Variants in CIT observed in about 807,000 individuals in gnomAD.
CIT encodes citron Rho-interacting kinase.
In CIT, 79 loss-of-function variants were observed where a neutral mutation model predicts 272.7. The observed-to-expected ratio is 0.29, with a 90% CI of 0.24 to 0.35. The LOEUF is 0.35. Among genes scored for constraint, CIT ranks in the 10% least tolerant of loss-of-function variants. CIT has a pLI of 1.00. For missense variants in CIT, 1,909 were observed against 2,618.3 expected (o/e 0.73, Z 5.91); for synonymous variants, 948 against 995.6 (o/e 0.95, Z 0.90).
Position 119,850,691 on chromosome 12 carries a change from C to T in CIT, c.415-416G>A, listed in dbSNP as rs374279564. On this transcript the variant is annotated intron_variant, in intron 4 of 47. Coordinates refer to ENST00000392521, the MANE Select transcript of CIT (RefSeq NM_001206999.2). ...TAAATGTAAATATTTTTCTCTTCCT[C>T]TTCTCTTCCTGAAGCCATTCACTGG... 8.5e-5 allele frequency among the ~76,000 whole-genome samples: 13 copies of T among 152,290 alleles called. No individual in the cohort carries two copies. In the South Asian group the frequency reaches 2.7e-3, roughly 32 times the overall value.
intron 23 of CIT, among the ~76,000 whole-genome samples, chr12:119,745,371 A>T (rs553129273): frequency 1.7e-4 from 23 of 134,764 alleles, no homozygotes; most frequent in African/African-American, 5.9e-4. Flanking sequence ...CAGAAGAAAC[A>T]AGCAAAAAAA....
chr12:119,778,238 A>C (rs1170089733), intron 13 of CIT, among the ~76,000 whole-genome samples: 3 of 152,222 alleles, frequency 2.0e-5, no homozygotes, highest in Non-Finnish European at 4.4e-5. Flanking sequence ...CTAAAATCAA[A>C]ACATTTACAT....
chr12:119,711,006 C>T (rs769824634), intron 37 of CIT: 24 of 1,364,730 alleles, frequency 1.8e-5, no homozygotes, highest in Middle Eastern at 2.1e-4. Context: ...AGTGCAAAGG[C>T]GCCGTGTTAG....
rs758806621 is a variant in CIT, at chr12:119,825,176, T to A, written c.946A>T (p.Met316Leu). 9 of 1,612,866 alleles carry A rather than the reference T, an allele frequency of 5.6e-6. No homozygotes were observed. Among genetic ancestry groups the A allele is most frequent in the Non-Finnish European group, 7.6e-6 (9 of 1,179,552 alleles). ...GTSARTFNNI[M>L]NFQRFLKFPD... is the part of the protein sequence containing the mutation. ...TAAGGACTCTTTACCTGGAAATTCA[T>A]AATGTTATTGAAGGTTCTGGCAGAG... is the stretch of plus-strand genomic sequence containing the variant. Residue 316 changes from methionine (M) to leucine (L), a missense_variant, in exon 8 of 48, where the codon ATG becomes TTG. Coordinates refer to ENST00000392521, the MANE Select transcript of CIT (RefSeq NM_001206999.2).
In CIT at chr12:119,834,148, C is replaced by T. The variant is rs1477760811; in HGVS notation, c.597G>A (p.Gln199=). 1 of 1,614,146 alleles carries T rather than the reference C, an allele frequency of 6.2e-7. No individual in the cohort carries two copies. The highest frequency in any genetic ancestry group is 8.5e-7 in the Non-Finnish European group (1 of 1,179,998). ...CCAAAATCAGCTCAGCTAGGTAAAA[C>T]TGTATCAGGTTTTCATCTAACTGGT... is the stretch of plus-strand genomic sequence containing the variant. ...YEDQLDENLI[Q]FYLAELILAV... The change falls in exon 6 of 48, where the codon CAG becomes CAA. Residue 199 remains glutamine (Q), a synonymous_variant. Transcript: ENST00000392521.
Position 119,804,235 on chromosome 12 carries a change from C to A in CIT, c.1112-846G>T. 2 of 985,472 alleles carry A rather than the reference C, an allele frequency of 2.0e-6. No homozygotes were observed. Among genetic ancestry groups the A allele is most frequent in the Non-Finnish European group, 2.4e-6 (2 of 829,966 alleles). 61.0% of individuals were successfully genotyped at this position (985,472 alleles called of 1,614,324 possible). On this transcript the variant is annotated intron_variant, in intron 9 of 47. Transcript: ENST00000392521. The surrounding 1 kb of genome is among the most constrained non-coding windows in gnomAD (Gnocchi z 5.3). ...CTTCCTCCGACCTACTAAGCGCTCT[C>A]GGTCTGGGAGGTGGACACTCGTCCA...
At chr12:119,760,887 A>G in intron 20 of CIT, 52 bp downstream of exon 20, 2 of 1,143,232 alleles carry the variant, frequency 1.7e-6, no homozygotes, top group Non-Finnish European at 1.3e-6. Flanking sequence ...GATTCTTGGC[A>G]TATTTCAAAA....
At chr12:119,717,414 C>CTTTTTTTTTTTTTTTTTTTTTT (rs765763044) in intron 32 of CIT, among the ~76,000 whole-genome samples, 3 of 109,460 alleles carry the variant, frequency 2.7e-5, no homozygotes, top group African/African-American at 1.2e-4. Context: ...TTTTTCTTTT[C>CTTTTTTTTTTTTTTTTTTTTTT]TTTTCTTTTT....
chr12:119,850,452 A>G, intron 4 of CIT, among the ~76,000 whole-genome samples, 177 bp from the exon 5 acceptor site: 1 of 148,122 alleles, frequency 6.8e-6, no homozygotes, highest in Admixed American at 6.8e-5. Context: ...AGGGAAGGAA[A>G]GGGAAGGGAA....
intron 4 of CIT, 137 bp downstream of exon 4, chr12:119,857,386 T>G: frequency 1.2e-6 from 1 of 815,784 alleles, no homozygotes; most frequent in Non-Finnish European, 1.9e-6. Flanking sequence ...AGAGACCTTT[T>G]TGCCCCAACT....
intron 27 of CIT, among the ~76,000 whole-genome samples, chr12:119,729,240 C>T (rs1263602415): frequency 6.6e-6 from 1 of 152,112 alleles, no homozygotes; most frequent in East Asian, 1.9e-4. Flanking sequence ...AATCTAGTTT[C>T]CTCATGCTTA....
At chr12:119,742,284 C>T in intron 24 of CIT, 127 bp downstream of exon 24, 2 of 622,498 alleles carry the variant, frequency 3.2e-6, no homozygotes, top group East Asian at 3.1e-5. Context: ...AGGTTGATTG[C>T]ATTATCTTCT....
intron 3 of CIT, among the ~76,000 whole-genome samples, chr12:119,860,618 A>G (rs1217300332): frequency 3.3e-5 from 5 of 152,110 alleles, no homozygotes; most frequent in Admixed American, 1.3e-4. Flanking sequence ...GCAGTGTCCA[A>G]CTTAATAACT....
chr12:119,689,737 G>C (rs1187131966), intron 47 of CIT, among the ~76,000 whole-genome samples: 1 of 135,654 alleles, frequency 7.4e-6, no homozygotes, highest in Non-Finnish European at 1.5e-5. Context: ...GAGTGCAGTG[G>C]CGCGATCTCG....
rs545250061 is a variant in CIT, at chr12:119,850,229, C to T, written c.461G>A (p.Ser154Asn). 1.2e-6 allele frequency: 2 copies of T among 1,613,498 alleles called. No individual in the cohort carries two copies. Among genetic ancestry groups the T allele is most frequent in the East Asian group, 2.2e-5 (1 of 44,856 alleles). ...ATACTGTAATTGGGGGATCCACGGG[C>T]TTGTGCTTCGAGATAATATGTTCCG... ...EERNILSRSTSPWIPQLQYAF... is the reference protein window; with the variant it reads ...EERNILSRSTNPWIPQLQYAF... Residue 154 changes from serine to asparagine, a missense_variant, in exon 5 of 48, where the codon AGC (serine) becomes AAC (asparagine). Physicochemically the swap from Ser to Asn is conservative, Grantham distance 46 (BLOSUM62 1). Transcript: ENST00000392521.
At chr12:119,780,966 C>T (rs902630198) in intron 13 of CIT, among the ~76,000 whole-genome samples, 2 of 152,182 alleles carry the variant, frequency 1.3e-5, no homozygotes, top group Non-Finnish European at 2.9e-5. Flanking sequence ...TCAAAACGTC[C>T]TGATAATTCC....
intron 10 of CIT, among the ~76,000 whole-genome samples, chr12:119,789,744 G>A (rs992107052): frequency 4.6e-5 from 7 of 151,968 alleles, no homozygotes; most frequent in Admixed American, 1.3e-4. Flanking sequence ...GTCTCACTCC[G>A]TCACCAGGCT....
Position 119,704,940 on chromosome 12 carries a change from T to A in CIT, c.5212-485A>T, listed in dbSNP as rs556050522. ...AAATTTCTTTTCTTCTGAGACGGAG[T>A]CTCACTCTGTCGCCCAGGCTGGAGT... On this transcript the variant is annotated intron_variant, in intron 40 of 47. Coordinates refer to ENST00000392521, the MANE Select transcript of CIT (RefSeq NM_001206999.2). Among the ~76,000 whole-genome samples the A allele has an allele frequency of 1.4e-4, 22 of 152,190 alleles. 1 individual carries two copies. In the South Asian group the frequency reaches 4.2e-3, roughly 29 times the overall value.
intron 19 of CIT, among the ~76,000 whole-genome samples, chr12:119,761,749 T>C (rs908083237): frequency 7.9e-5 from 12 of 152,166 alleles, no homozygotes; most frequent in African/African-American, 2.9e-4. Context: ...AAAGAAACCT[T>C]TCCCAGGGGA....
Sources: gnomAD v4.1 joint callset for allele counts (sites outside exome capture counted in the v4.1 genomes callset) on GRCh38, gnomAD v4.1.1 for gene constraint, Gnocchi (gnomAD v3.1) non-coding constraint, MANE v1.5 for transcripts, NCBI Gene and HGNC (gene_info 2026-07-23, HGNC 2026-07-21) for gene names.